PLEKHM2: variants seen among roughly 807,000 people sequenced by gnomAD.
PLEKHM2 encodes the protein pleckstrin homology and RUN domain containing M2.
A neutral mutation model predicts 116.3 loss-of-function variants in PLEKHM2; 77 were observed. The ratio of observed to expected loss-of-function variants is 0.66; its 90% confidence interval spans 0.55 to 0.80. The LOEUF (loss-of-function observed/expected upper bound fraction) is 0.80. Ranked by LOEUF, PLEKHM2 falls within the 30% of genes least tolerant of loss-of-function variation. The pLI is 0.00. For synonymous variants in PLEKHM2, 562 were observed against 571.0 expected (o/e 0.98, Z 0.22); for missense variants, 1,183 against 1,354.9 (o/e 0.87, Z 1.99).
Position 15,728,744 on chromosome 1 carries a change from G to C in PLEKHM2, c.1986+11G>C, listed in dbSNP as rs755292516. The stretch of plus-strand genomic sequence containing the variant: ...CTTGACTATGTGTCGGTGAGTCCAG[G>C]CCCCGCAGTTGTGCGCCTGCTGTAG... On this transcript the variant is annotated intron_variant, in intron 12 of 19. Transcript: ENST00000375799. This position sits in a 1 kb window ranked among gnomAD's most constrained non-coding sequence, Gnocchi z 5.9. 2.9e-5 allele frequency: 46 copies of C among 1,603,768 alleles called. 1 individual carries two copies. The South Asian group carries it at 3.9e-4, about 14-fold the overall frequency.
intron 1 of PLEKHM2, 27 bp downstream of exon 1, chr1:15,684,645 G>T: frequency 8.1e-7 from 1 of 1,235,104 alleles, no homozygotes; most frequent in Non-Finnish European, 1.0e-6. Context: ...TCCCGGCCGG[G>T]GCCCCTTCCT....
Position 15,727,403 on chromosome 1 carries a change from A to T in PLEKHM2, c.1331A>T (p.Asp444Val), listed in dbSNP as rs2068079509. The change falls in exon 9 of 20, where the codon GAT (aspartate) becomes GTT (valine). Residue 444 changes from aspartate (D) to valine (V), a missense_variant. Coordinates refer to ENST00000375799, the MANE Select transcript of PLEKHM2 (RefSeq NM_015164.4). This position sits in a 1 kb window ranked among gnomAD's most constrained non-coding sequence, Gnocchi z 7.5. ...DQSFRTGSPG[D>V]APERPPLCDF... ...TCCTTTCGGACCGGCTCTCCCGGGG[A>T]TGCCCCGGAGAGGCCGCCGCTTTGC... 1 of 1,604,518 alleles carries T rather than the reference A, an allele frequency of 6.2e-7. No homozygotes were observed. Among genetic ancestry groups the T allele is most frequent in the Non-Finnish European group, 8.5e-7 (1 of 1,176,302 alleles).
rs1198544504 is a variant in PLEKHM2 at position 15,727,711 on chromosome 1, C to T, written c.1639C>T (p.Gln547Ter). ...GPVSEPEPGT[Q>*]EVLCQLKRDQ... ...TGTGTCTGAGCCAGAGCCTGGGACC[C>T]AGGAGGTTCTCTGCCAGCTCAAGCG... Residue 547 changes from glutamine (Q) to a stop codon, truncating the protein, a stop_gained, in exon 9 of 20, where the codon CAG becomes TAG. Coordinates refer to ENST00000375799, the MANE Select transcript of PLEKHM2 (RefSeq NM_015164.4). LOFTEE classifies it high-confidence loss of function. The surrounding 1 kb of genome is among the most constrained non-coding windows in gnomAD (Gnocchi z 7.5). The T allele has an allele frequency of 6.3e-7, 1 of 1,596,138 alleles. No individual in the cohort carries two copies. The highest frequency in any genetic ancestry group is 8.5e-7 in the Non-Finnish European group (1 of 1,172,312).
intron 19 of PLEKHM2, 81 bp downstream of exon 19, chr1:15,732,809 C>G: frequency 2.1e-6 from 2 of 948,432 alleles, no homozygotes; most frequent in South Asian, 3.0e-5. Context: ...ACCCCTGCTG[C>G]TCCCAGGACT....
At position 15,730,559 on chromosome 1, in the gene PLEKHM2, G is replaced by A. The variant is rs772236064; in HGVS notation, c.2236G>A (p.Gly746Ser). The change falls in exon 15 of 20, where the codon GGC becomes AGC. Residue 746 changes from glycine (G) to serine (S), a missense_variant. Around this residue, in one of 3 missense-constraint regions of PLEKHM2, gnomAD observed 594 missense variants for 720.1 expected, o/e 0.82. Transcript: ENST00000375799. ...EASAVTVRFYGLVHWEDPTDE... is the reference protein window; with the variant it reads ...EASAVTVRFYSLVHWEDPTDE... ...ATCTGCTGTCACCGTGCGCTTCTACGGCCTTGTGCACTGGGAGGACCCCAC... is the reference window on the plus strand; with the variant it reads ...ATCTGCTGTCACCGTGCGCTTCTACAGCCTTGTGCACTGGGAGGACCCCAC... The A allele has an allele frequency of 1.0e-5, 16 of 1,598,976 alleles. No homozygotes were observed. The South Asian group carries it at 1.1e-4, about 11-fold the overall frequency.
intron 1 of PLEKHM2, among the ~76,000 whole-genome samples, chr1:15,689,245 CAAAAA>C (rs34554449): frequency 1.0e-5 from 1 of 95,550 alleles, no homozygotes; most frequent in African/African-American, 3.5e-5. Flanking sequence ...AACTCCGTCT[CAAAAA>C]AAAAAAAAAA....
intron 1 of PLEKHM2, among the ~76,000 whole-genome samples, chr1:15,693,983 G>A (rs1187902713): frequency 6.6e-6 from 1 of 152,178 alleles, no homozygotes; most frequent in African/African-American, 2.4e-5. Context: ...GGAGCTGGCA[G>A]TGCCCTTCTG....
intron 2 of PLEKHM2, 46 bp downstream of exon 2, chr1:15,716,389 C>T: frequency 5.2e-6 from 6 of 1,156,910 alleles, no homozygotes; most frequent in East Asian, 2.5e-5. Context: ...CAACCCAGGC[C>T]ATGAGTAGCC....
intron 1 of PLEKHM2, among the ~76,000 whole-genome samples, chr1:15,713,264 T>A (rs953002883): frequency 1.2e-4 from 19 of 152,150 alleles, no homozygotes; most frequent in Admixed American, 6.5e-5. Context: ...TTCCTTTTTT[T>A]CTTATTTCTT....
At chr1:15,730,021 C>G in intron 14 of PLEKHM2, 92 bp downstream of exon 14, 1 of 614,072 alleles carries the variant, frequency 1.6e-6, no homozygotes, top group Non-Finnish European at 2.3e-6. Context: ...ACGTGGATGT[C>G]TTTGCCATTT....
At chr1:15,687,287 C>T (rs1397047583) in intron 1 of PLEKHM2, among the ~76,000 whole-genome samples, 2 of 151,986 alleles carry the variant, frequency 1.3e-5, no homozygotes, top group African/African-American at 2.4e-5. Flanking sequence ...CTGCCTCAGC[C>T]TCCCGAGTAG....
intron 1 of PLEKHM2, among the ~76,000 whole-genome samples, chr1:15,698,774 C>A (rs1641052693): frequency 6.6e-6 from 1 of 151,922 alleles, no homozygotes; most frequent in Non-Finnish European, 1.5e-5. Flanking sequence ...GTCTTGAACT[C>A]CTGACCTCAG....
rs1402700267 is a variant in PLEKHM2, at chr1:15,733,781, G to T, written c.2923-16G>T. ...CCTCAGTGGCCCTCATCTGTTCTCT[G>T]CACGCCCCAACACAGGTGGACCTCC... On this transcript the variant is annotated splice_polypyrimidine_tract_variant and intron_variant, in intron 19 of 19. Coordinates refer to ENST00000375799, the MANE Select transcript of PLEKHM2 (RefSeq NM_015164.4). The T allele has an allele frequency of 6.2e-7, 1 of 1,611,252 alleles. No homozygotes were observed. The highest frequency in any genetic ancestry group is 8.5e-7 in the Non-Finnish European group (1 of 1,178,960).
At chr1:15,692,555 G>A (rs1043663209) in intron 1 of PLEKHM2, among the ~76,000 whole-genome samples, 7 of 152,184 alleles carry the variant, frequency 4.6e-5, no homozygotes, top group Non-Finnish European at 5.9e-5. Flanking sequence ...AGATACTAGT[G>A]GAGAAGTGAT....
Position 15,717,997 on chromosome 1 carries a change from G to A in PLEKHM2, c.377+5G>A, listed in dbSNP as rs1641481045. ...GCTGCATAAGTACTACGTCAAGTGA[G>A]TGTCTGGGACGGTCTGTCTCCCCTA... On this transcript the variant is annotated splice_donor_5th_base_variant and intron_variant, in intron 4 of 19. Transcript: ENST00000375799. 1 of 1,563,972 alleles carries A rather than the reference G, an allele frequency of 6.4e-7. No individual in the cohort carries two copies. Among genetic ancestry groups the A allele is most frequent in the Non-Finnish European group, 8.7e-7 (1 of 1,147,436 alleles).
At chr1:15,701,953 G>C (rs72647147) in intron 1 of PLEKHM2, among the ~76,000 whole-genome samples, 1 of 152,314 alleles carries the variant, frequency 6.6e-6, no homozygotes, top group South Asian at 2.1e-4. Context: ...GCAAGCTCGG[G>C]GGGGTAGTCG....
chr1:15,703,908 C>T (rs956344985), intron 1 of PLEKHM2, among the ~76,000 whole-genome samples: 1 of 152,092 alleles, frequency 6.6e-6, no homozygotes, highest in Non-Finnish European at 1.5e-5. Context: ...TGAGCACAAC[C>T]GAAAAATCAG....
At chr1:15,683,501 G>A (rs1017212420), upstream of PLEKHM2, among the ~76,000 whole-genome samples, 3 of 151,036 alleles carry the variant, frequency 2.0e-5, no homozygotes, top group African/African-American at 7.3e-5. Flanking sequence ...GAGGGCCGGG[G>A]TCTCAGGGTC....
At chr1:15,725,272 CG>C in intron 7 of PLEKHM2, 44 bp from the exon 8 acceptor site, 6 of 1,448,670 alleles carry the variant, frequency 4.1e-6, no homozygotes, top group East Asian at 2.5e-5. Flanking sequence ...TCGGGGACCC[CG>C]GGGGGTGCCT....
Sources: allele counts gnomAD v4.1 joint callset (sites outside exome capture counted in the v4.1 genomes callset), GRCh38; gene constraint gnomAD v4.1.1; regional missense constraint gnomAD v4.1.1; non-coding constraint Gnocchi (gnomAD v3.1); transcripts MANE v1.5; gene names NCBI Gene and HGNC (gene_info 2026-07-23, HGNC 2026-07-21).